Variants in CDH22 observed in about 807,000 individuals in gnomAD.
CDH22 encodes cadherin-22.
CDH22 carries 30 observed loss-of-function variants against 58.4 expected under a neutral mutation model. The ratio of observed to expected loss-of-function variants is 0.51; its 90% CI spans 0.38 to 0.70. CDH22 has a LOEUF of 0.70. CDH22 is among the 30% of genes least tolerant of loss of function. CDH22 has a pLI of 0.00. For synonymous variants in CDH22, 513 were observed against 558.2 expected, an observed-to-expected ratio of 0.92 and a Z score of 1.14; for missense variants, 1,014 against 1,233.9, an observed-to-expected ratio of 0.82 and a Z score of 2.67.
intron 7 of CDH22, among the ~76,000 whole-genome samples, chr20:46,204,407 AAAAAAAAAAAAG>A: frequency 6.6e-6 from 1 of 151,256 alleles, no homozygotes; most frequent in Non-Finnish European, 1.5e-5. Context: ...AAAAAAAAAA[AAAAAAAAAAAAG>A]AGAGAGAGAC....
Position 46,246,864 on chromosome 20 carries a change from T to G in CDH22, c.255+4176A>C, listed in dbSNP as rs1221145356. 2.6e-5 allele frequency among the ~76,000 whole-genome samples: 4 copies of G among 152,036 alleles called. 1 individual carries two copies. In the East Asian group the frequency reaches 7.7e-4, roughly 29 times the overall value. On this transcript the variant is annotated intron_variant, in intron 2 of 11. Transcript: ENST00000537909. ...GGAAGCAGTGAATTAACTGAAACCG[T>G]GGTGAAGTCCTTTCTTCCTGAAGAG...
At position 46,257,390 on chromosome 20, in the gene CDH22, G is replaced by A. The variant is rs139982601; in HGVS notation, c.-399-5697C>T. On this transcript the variant is annotated intron_variant, in intron 1 of 11. Coordinates refer to ENST00000537909, the MANE Select transcript of CDH22 (RefSeq NM_021248.3). Reference sequence around the variant, plus strand: ...GCCTATGGCAATATTTCAATAATTCGGCAGAGGACTAGTCAGGGGCTTTGA... The same window carrying A: ...GCCTATGGCAATATTTCAATAATTCAGCAGAGGACTAGTCAGGGGCTTTGA... Among the ~76,000 whole-genome samples the A allele has an allele frequency of 3.6e-3, 555 of 152,246 alleles. 2 individuals are homozygous for A. Among genetic ancestry groups the A allele is most frequent in the Middle Eastern group, 0.02 (6 of 294 alleles).
At chr20:46,286,595 G>A (rs953106228) in intron 1 of CDH22, among the ~76,000 whole-genome samples, 4 of 152,192 alleles carry the variant, frequency 2.6e-5, no homozygotes, top group Non-Finnish European at 4.4e-5. Flanking sequence ...CCCCCGATCC[G>A]CCGATCCCCC....
At chr20:46,195,270 C>A (rs1035116626) in intron 8 of CDH22, among the ~76,000 whole-genome samples, 7 of 152,234 alleles carry the variant, frequency 4.6e-5, no homozygotes, top group Non-Finnish European at 8.8e-5. Flanking sequence ...CTACTGTGTG[C>A]CTGGCCTGTG....
intron 7 of CDH22, among the ~76,000 whole-genome samples, chr20:46,207,406 G>C (rs1214256834): frequency 6.6e-6 from 1 of 152,162 alleles, no homozygotes; most frequent in Non-Finnish European, 1.5e-5. Context: ...ACCTCCCTGG[G>C]AGAGCCTGCA....
chr20:46,175,095 G>A lies in CDH22; in HGVS notation c.1916-18C>T, dbSNP rs1289819022. The A allele has an allele frequency of 6.4e-7, 1 of 1,568,590 alleles. No individual in the cohort carries two copies. Among genetic ancestry groups the A allele is most frequent in the Non-Finnish European group, 8.6e-7 (1 of 1,161,732 alleles). ...CACCAGCACTGCGAGGGGGACAGAG[G>A]GGGCAACTGAGGGCCAAGCCCCTCC... On this transcript the variant is annotated intron_variant, in intron 11 of 11. Transcript: ENST00000537909.
intron 10 of CDH22, among the ~76,000 whole-genome samples, chr20:46,182,261 G>A (rs1020836381): frequency 1.2e-4 from 18 of 152,184 alleles, no homozygotes; most frequent in East Asian, 3.9e-4. Context: ...TTCTAGCCCC[G>A]GGGGATACTG....
chr20:46,222,284 C>G (rs936707958), intron 4 of CDH22, among the ~76,000 whole-genome samples: 1 of 152,206 alleles, frequency 6.6e-6, no homozygotes, highest in Non-Finnish European at 1.5e-5. Context: ...GCCTGGCACA[C>G]AGCAAGTGCT....
chr20:46,269,099 G>C (rs1051130141), intron 1 of CDH22, among the ~76,000 whole-genome samples: 2 of 152,144 alleles, frequency 1.3e-5, no homozygotes, highest in Non-Finnish European at 2.9e-5. Flanking sequence ...GGGTTATTTT[G>C]ACACTGACTG....
At position 46,300,268 on chromosome 20, in the gene CDH22, C is replaced by T. The variant is rs1009333244; in HGVS notation, c.-400+7987G>A. Among the ~76,000 whole-genome samples, 4 of 152,160 alleles carry T rather than the reference C, an allele frequency of 2.6e-5. No individual in the cohort carries two copies. The highest frequency in any genetic ancestry group is 1.3e-4 in the Admixed American group (2 of 15,276). Reference sequence around the variant, plus strand: ...AGGAACTCTCTGTTGTCCCTGAATACACAATTTCAGCCTCTGGTCCCTGTG... The same window carrying T: ...AGGAACTCTCTGTTGTCCCTGAATATACAATTTCAGCCTCTGGTCCCTGTG... On this transcript the variant is annotated intron_variant, in intron 1 of 11. Transcript: ENST00000537909. This position sits in a 1 kb window ranked among gnomAD's most constrained non-coding sequence, Gnocchi z 4.4.
Position 46,227,565 on chromosome 20 carries a change from G to A in CDH22, c.613C>T (p.Arg205Trp), listed in dbSNP as rs779818992. 19 of 1,585,532 alleles carry A rather than the reference G, an allele frequency of 1.2e-5. No individual in the cohort carries two copies. The highest frequency in any genetic ancestry group is 3.3e-5 in the South Asian group (3 of 90,482). The change falls in exon 4 of 12, where the codon CGG (arginine) becomes TGG (tryptophan). Residue 205 changes from arginine to tryptophan, a missense_variant. Arg to Trp is a moderately radical substitution (Grantham distance 101). Around this residue, in one of 2 missense-constraint regions of CDH22, gnomAD observed 806 missense variants for 1,038.7 expected, o/e 0.78. Coordinates refer to ENST00000537909, the MANE Select transcript of CDH22 (RefSeq NM_021248.3). Reference sequence around the variant, plus strand: ...CCGTCCAGCACGCTGTACACCAGCCGAGCGCTGCTGCCGTACGTGGGGTCA... The same window carrying A: ...CCGTCCAGCACGCTGTACACCAGCCAAGCGCTGCTGCCGTACGTGGGGTCA... Reference protein sequence around the residue: ...ADDPTYGSSARLVYSVLDGEH... With the variant: ...ADDPTYGSSAWLVYSVLDGEH...
At chr20:46,282,960 G>A (rs1447772821) in intron 1 of CDH22, among the ~76,000 whole-genome samples, 1 of 152,184 alleles carries the variant, frequency 6.6e-6, no homozygotes, top group Non-Finnish European at 1.5e-5. Flanking sequence ...CCAGGTCTAG[G>A]GGAGCCTGGA....
At chr20:46,264,210 A>G (rs1376733454) in intron 1 of CDH22, among the ~76,000 whole-genome samples, 2 of 152,146 alleles carry the variant, frequency 1.3e-5, no homozygotes, top group Non-Finnish European at 2.9e-5. Flanking sequence ...GTAAGTTATC[A>G]TTATCCCCTT....
In CDH22 at chr20:46,216,825, C is replaced by A; in HGVS notation, c.838+1G>T. The A allele has an allele frequency of 6.3e-7, 1 of 1,594,436 alleles. No individual in the cohort carries two copies. The highest frequency in any genetic ancestry group is 8.6e-7 in the Non-Finnish European group (1 of 1,163,640). ...CCTTCCTCTGGGAAGGCCTCACTCA[C>A]TCTGCGGGAAACGGGGCGGGTTGTC... is the stretch of plus-strand genomic sequence containing the variant. On this transcript the variant is annotated splice_donor_variant, in intron 5 of 11. Coordinates refer to ENST00000537909, the MANE Select transcript of CDH22 (RefSeq NM_021248.3). LOFTEE classifies it high-confidence loss of function. This position sits in a 1 kb window ranked among gnomAD's most constrained non-coding sequence, Gnocchi z 5.3.
At chr20:46,265,430 A>G (rs2086454867) in intron 1 of CDH22, among the ~76,000 whole-genome samples, 1 of 152,176 alleles carries the variant, frequency 6.6e-6, no homozygotes, top group South Asian at 2.1e-4. Flanking sequence ...AAATGAACCC[A>G]TGAATCCACA....
chr20:46,230,754 A>G (rs2086214973), intron 3 of CDH22, among the ~76,000 whole-genome samples: 1 of 152,172 alleles, frequency 6.6e-6, no homozygotes, highest in East Asian at 1.9e-4. Context: ...TTAAGTAATG[A>G]ACCTCTTAGT....
At chr20:46,242,039 C>T (rs1386014316) in intron 2 of CDH22, among the ~76,000 whole-genome samples, 3 of 152,146 alleles carry the variant, frequency 2.0e-5, no homozygotes, top group Non-Finnish European at 4.4e-5. Flanking sequence ...GAGAACCAGG[C>T]TCAAGACATA....
intron 1 of CDH22, among the ~76,000 whole-genome samples, chr20:46,273,970 G>A (rs1195445258): frequency 6.6e-6 from 1 of 152,254 alleles, no homozygotes; most frequent in Non-Finnish European, 1.5e-5. Context: ...GAAGAGCAGG[G>A]AGAGAGGAGG....
chr20:46,227,238 G>A (rs1210656353), intron 4 of CDH22, among the ~76,000 whole-genome samples: 9 of 152,180 alleles, frequency 5.9e-5, no homozygotes, highest in Non-Finnish European at 8.8e-5. Context: ...CACCCACAGC[G>A]GCTGCTTCCT....
Sources: gnomAD v4.1 joint callset for allele counts (sites outside exome capture counted in the v4.1 genomes callset) on GRCh38, gnomAD v4.1.1 for gene constraint, gnomAD v4.1.1 regional missense constraint, Gnocchi (gnomAD v3.1) non-coding constraint, MANE v1.5 for transcripts, NCBI Gene and HGNC (gene_info 2026-07-23, HGNC 2026-07-21) for gene names.